Variants in CTNNA3 observed in about 807,000 individuals in gnomAD.
CTNNA3 encodes the protein catenin alpha 3.
A neutral mutation model predicts 95.7 loss-of-function variants in CTNNA3; 76 were observed. That is an observed-to-expected ratio of 0.79 (90% CI 0.66 to 0.96). The LOEUF (loss-of-function observed/expected upper bound fraction) is 0.96, where lower values mean the gene tolerates loss of function less well. Ranked by LOEUF, CTNNA3 falls within the 40% of genes least tolerant of loss-of-function variation. CTNNA3 has a pLI of 0.00. For synonymous variants in CTNNA3, 431 were observed against 374.4 expected, an observed-to-expected ratio of 1.15 and a Z score of -1.74; for missense variants, 1,191 against 1,089.8, an observed-to-expected ratio of 1.09 and a Z score of -1.31.
intron 5 of CTNNA3, among the ~76,000 whole-genome samples, chr10:67,299,284 T>G (rs900556194): frequency 9.9e-5 from 15 of 152,046 alleles, no homozygotes; most frequent in Non-Finnish European, 1.5e-5. Flanking sequence ...CATAATAGCC[T>G]TCATTACATG....
Position 66,978,552 on chromosome 10 carries a change from A to AAAT in CTNNA3, c.1047+201764_1047+201765insATT. ...AAAAAAAAAAAAAAAAAAAAAAAAA[A>AAAT]ATATATATATATATATATAGTATGG... On this transcript the variant is annotated intron_variant, in intron 7 of 17. Coordinates refer to ENST00000433211, the MANE Select transcript of CTNNA3 (RefSeq NM_013266.4). 3.7e-3 allele frequency among the ~76,000 whole-genome samples: 141 copies of AAAT among 37,794 alleles called. 3 individuals are homozygous for AAAT. Among genetic ancestry groups the AAAT allele is most frequent in the African/African-American group, 6.3e-3 (73 of 11,500 alleles). The allele number at this position is 37,794 out of a possible 152,430, so 24.8% of individuals were successfully genotyped here.
intron 6 of CTNNA3, among the ~76,000 whole-genome samples, chr10:67,212,193 A>G (rs1204468016): frequency 6.6e-6 from 1 of 152,038 alleles, no homozygotes; most frequent in Non-Finnish European, 1.5e-5. Context: ...AAGAATAATA[A>G]TATAACACAC....
chr10:66,145,117 A>G (rs574739183), intron 13 of CTNNA3, among the ~76,000 whole-genome samples: 2 of 152,182 alleles, frequency 1.3e-5, no homozygotes, highest in African/African-American at 4.8e-5. Flanking sequence ...TCATTCATAA[A>G]GGAGACCCTA....
chr10:67,315,209 A>G (rs1051216073), intron 5 of CTNNA3, among the ~76,000 whole-genome samples: 2 of 152,196 alleles, frequency 1.3e-5, no homozygotes, highest in African/African-American at 2.4e-5. Flanking sequence ...ATCACTCAGC[A>G]TCTTCATTTT....
chr10:66,907,332 A>G (rs1846031741), intron 7 of CTNNA3, among the ~76,000 whole-genome samples: 1 of 152,128 alleles, frequency 6.6e-6, no homozygotes, highest in Non-Finnish European at 1.5e-5. Context: ...GCTTTTGTAT[A>G]CTTACTTTGT....
intron 7 of CTNNA3, among the ~76,000 whole-genome samples, chr10:67,139,701 C>T (rs1415735821): frequency 1.3e-5 from 2 of 152,152 alleles, no homozygotes; most frequent in African/African-American, 4.8e-5. Context: ...GTGTGAGCCA[C>T]TGCGCCCAAC....
chr10:66,367,883 T>TAATAATAATA (rs1564903306), intron 12 of CTNNA3, among the ~76,000 whole-genome samples: 6 of 12,680 alleles, frequency 4.7e-4, no homozygotes, highest in African/African-American at 1.4e-3. Context: ...TAATAATAAT[T>TAATAATAATA]ATTATTATTA....
chr10:66,934,757 G>GT lies in CTNNA3; in HGVS notation c.1048-159234dup, dbSNP rs552816862. ...TTTGTCTTCTCAAGGGTAAAATATA[G>GT]TTTTTTTGGCCTGGCATATAAAATA... On this transcript the variant is annotated intron_variant, in intron 7 of 17. Coordinates refer to ENST00000433211, the MANE Select transcript of CTNNA3 (RefSeq NM_013266.4). Among the ~76,000 whole-genome samples, 148 of 152,198 alleles carry GT rather than the reference G, an allele frequency of 9.7e-4. 1 individual carries two copies. The highest frequency in any genetic ancestry group is 3.3e-3 in the African/African-American group (139 of 41,544).
intron 7 of CTNNA3, among the ~76,000 whole-genome samples, chr10:66,812,491 A>G (rs1284691629): frequency 6.6e-6 from 1 of 152,168 alleles, no homozygotes; most frequent in Non-Finnish European, 1.5e-5. Context: ...CTTAGGCTGT[A>G]TAAGTTTGAA....
chr10:66,843,943 G>A (rs1051178953), intron 7 of CTNNA3, among the ~76,000 whole-genome samples: 1 of 152,136 alleles, frequency 6.6e-6, no homozygotes, highest in African/African-American at 2.4e-5. Flanking sequence ...TTCTTTGTTT[G>A]ACAAATAATT....
At chr10:67,588,531 G>A (rs1014125600) in intron 3 of CTNNA3, among the ~76,000 whole-genome samples, 2 of 123,388 alleles carry the variant, frequency 1.6e-5, no homozygotes, top group African/African-American at 4.4e-5. Flanking sequence ...TTGAATTTAT[G>A]GGGGGGGGAC....
intron 7 of CTNNA3, among the ~76,000 whole-genome samples, chr10:66,913,128 A>G (rs1240733611): frequency 6.7e-6 from 1 of 148,646 alleles, no homozygotes; most frequent in African/African-American, 2.5e-5. Flanking sequence ...AGTCCCAGCT[A>G]CTCGGGAGGC....
At chr10:66,567,885 A>G (rs991321594) in intron 10 of CTNNA3, among the ~76,000 whole-genome samples, 6 of 152,152 alleles carry the variant, frequency 3.9e-5, no homozygotes, top group Admixed American at 6.5e-5. Context: ...AAGTTACAAT[A>G]ATAAACTTCA....
In CTNNA3 at chr10:66,178,042, G is replaced by A. The variant is rs74141248; in HGVS notation, c.1885-74793C>T. ...CTAGCTAACATTTTTTATTTTTAAT[G>A]ATATGATACTGGGTATATTAATGCA... On this transcript the variant is annotated intron_variant, in intron 13 of 17. Coordinates refer to ENST00000433211, the MANE Select transcript of CTNNA3 (RefSeq NM_013266.4). Among the ~76,000 whole-genome samples the A allele has an allele frequency of 2.3e-3, 356 of 151,534 alleles. 1 individual carries two copies. Among genetic ancestry groups the A allele is most frequent in the African/African-American group, 8.2e-3 (340 of 41,424 alleles).
chr10:66,998,155 G>A lies in CTNNA3; in HGVS notation c.1047+182162C>T, dbSNP rs542702053. Reference sequence around the variant, plus strand: ...AAGATGCAAACCAAATTCCTAACACGGCATTTTAGCACAGCCTTTGCATAT... The same window carrying A: ...AAGATGCAAACCAAATTCCTAACACAGCATTTTAGCACAGCCTTTGCATAT... On this transcript the variant is annotated intron_variant, in intron 7 of 17. Coordinates refer to ENST00000433211, the MANE Select transcript of CTNNA3 (RefSeq NM_013266.4). 1.3e-3 allele frequency among the ~76,000 whole-genome samples: 199 copies of A among 152,156 alleles called. 1 individual carries two copies. Among genetic ancestry groups the A allele is most frequent in the African/African-American group, 4.7e-3 (197 of 41,514 alleles).
chr10:66,906,170 G>A (rs1373295762), intron 7 of CTNNA3, among the ~76,000 whole-genome samples: 1 of 152,068 alleles, frequency 6.6e-6, no homozygotes, highest in African/African-American at 2.4e-5. Context: ...GGGTGAATCA[G>A]GCCAACCACA....
intron 13 of CTNNA3, among the ~76,000 whole-genome samples, chr10:66,152,969 T>C (rs566296952): frequency 4.6e-5 from 7 of 152,050 alleles, no homozygotes; most frequent in Middle Eastern, 3.4e-3. Context: ...AAATATATGT[T>C]AAAAGTTTTA....
At chr10:67,094,774 A>C (rs1276683240) in intron 7 of CTNNA3, among the ~76,000 whole-genome samples, 2 of 151,864 alleles carry the variant, frequency 1.3e-5, no homozygotes, top group African/African-American at 4.8e-5. Flanking sequence ...AATATTCATA[A>C]TTCAACAAAG....
chr10:66,119,712 A>C (rs956674991), intron 13 of CTNNA3, among the ~76,000 whole-genome samples: 11 of 152,094 alleles, frequency 7.2e-5, no homozygotes, highest in Middle Eastern at 3.4e-3. Context: ...TTAGGTTCTC[A>C]TTCTTGTTTT....
Sources: gnomAD v4.1 joint callset for allele counts (sites outside exome capture counted in the v4.1 genomes callset) on GRCh38, gnomAD v4.1.1 for gene constraint, MANE v1.5 for transcripts, NCBI Gene and HGNC (gene_info 2026-07-23, HGNC 2026-07-21) for gene names.